Variants in CMC2 observed in about 807,000 individuals in gnomAD.
CMC2 encodes the protein COX assembly mitochondrial protein 2 homolog.
A neutral mutation model predicts 7.5 loss-of-function variants in CMC2; 5 were observed. The observed-to-expected ratio is 0.66, with a 90% CI of 0.35 to 1.40. The LOEUF is 1.40. CMC2 is among the 40% of genes most tolerant of loss of function. The pLI, the probability that CMC2 is intolerant of heterozygous loss-of-function variation, is 0.04. For synonymous variants in CMC2, 37 were observed against 31.4 expected, an observed-to-expected ratio of 1.18 and a Z score of -0.60; for missense variants, 115 against 92.3, an observed-to-expected ratio of 1.25 and a Z score of -1.01.
intron 2 of CMC2, among the ~76,000 whole-genome samples, chr16:80,984,417 T>G (rs1051090500): frequency 6.6e-6 from 1 of 152,228 alleles, no homozygotes; most frequent in Admixed American, 6.5e-5. Context: ...TTTCTTTTTT[T>G]CCTGCTTCAC....
chr16:80,970,587 TA>T lies in CMC2; in HGVS notation c.*5505del, dbSNP rs1418148162. 1 of 152,122 alleles carries T rather than the reference TA, an allele frequency of 6.6e-6. No homozygotes were observed. The highest frequency in any genetic ancestry group is 1.5e-5 in the Non-Finnish European group (1 of 67,992). 9.4% of individuals were successfully genotyped at this position (152,122 alleles called of 1,614,324 possible). ...ATTATACTGAATGTTCTAAGTACAA[TA>T]AAATAAGGAAGTATAAACATTGGAA... is the stretch of plus-strand genomic sequence containing the variant. On this transcript the variant is annotated 3_prime_UTR_variant, in exon 4 of 4. Coordinates refer to ENST00000219400, the MANE Select transcript of CMC2 (RefSeq NM_020188.5).
intron 1 of CMC2, among the ~76,000 whole-genome samples, chr16:81,004,108 G>A (rs1041136395): frequency 6.6e-6 from 1 of 152,134 alleles, no homozygotes; most frequent in Non-Finnish European, 1.5e-5. Flanking sequence ...CTGTAATCCA[G>A]CTACTTGGGA....
chr16:80,979,126 T>C (rs1311251185), intron 3 of CMC2, among the ~76,000 whole-genome samples: 2 of 151,382 alleles, frequency 1.3e-5, no homozygotes, highest in Non-Finnish European at 2.9e-5. Context: ...AGTAATCAGA[T>C]GACATATGAA....
intron 3 of CMC2, chr16:80,978,129 A>C: frequency 3.4e-6 from 1 of 296,054 alleles, no homozygotes; most frequent in Non-Finnish European, 5.1e-6. Flanking sequence ...AAAGTCATTC[A>C]TTTTATCTAT....
intron 1 of CMC2, among the ~76,000 whole-genome samples, chr16:81,002,155 T>C (rs1012051086): frequency 3.3e-5 from 5 of 152,202 alleles, no homozygotes; most frequent in African/African-American, 1.2e-4. Context: ...CCAGATGCGG[T>C]GGCTCACACC....
rs57915291 is a variant in CMC2, at chr16:80,985,901, CAAAAAAA to C, written c.82-4031_82-4025del. Among the ~76,000 whole-genome samples the C allele has an allele frequency of 5.7e-5, 6 of 104,992 alleles. No homozygotes were observed. The East Asian group carries it at 1.9e-3, about 33-fold the overall frequency. 68.9% of individuals were successfully genotyped at this position (104,992 alleles called of 152,430 possible). A position where few individuals can be genotyped will look rare whatever the true frequency, so the allele number is the denominator to read the frequency against. On this transcript the variant is annotated intron_variant, in intron 2 of 3. Transcript: ENST00000219400. ...GAAATATCATTCTCCCATATACCTG[CAAAAAAA>C]AAAAAAAAAACCACAGGAATGAAGG... is the stretch of plus-strand genomic sequence containing the variant.
intron 1 of CMC2, among the ~76,000 whole-genome samples, chr16:81,002,733 A>G (rs897996188): frequency 3.3e-5 from 5 of 152,216 alleles, no homozygotes; most frequent in African/African-American, 4.8e-5. Flanking sequence ...GCTATTGTCA[A>G]TCAGGGTAGG....
intron 2 of CMC2, among the ~76,000 whole-genome samples, chr16:80,990,516 C>T (rs1967899319): frequency 6.6e-6 from 1 of 152,118 alleles, no homozygotes; most frequent in South Asian, 2.1e-4. Context: ...CTGCTTTGCT[C>T]CTACCAACCT....
rs1407325169 is a variant in CMC2 at position 80,971,290 on chromosome 16, G to A, written c.*4803C>T. On this transcript the variant is annotated 3_prime_UTR_variant, in exon 4 of 4. Coordinates refer to ENST00000219400, the MANE Select transcript of CMC2 (RefSeq NM_020188.5). ...ACACTCTCCCAGATTGGACAAGAAG[G>A]TAAGTAAGAACGTTCATTGAAGTTT... The A allele has an allele frequency of 6.6e-6, 1 of 151,964 alleles. No homozygotes were observed. The highest frequency in any genetic ancestry group is 1.5e-5 in the Non-Finnish European group (1 of 68,020). The allele number at this position is 151,964 out of a possible 1,614,324, so 9.4% of individuals were successfully genotyped here.
chr16:81,000,720 G>C (rs892746009), intron 1 of CMC2, among the ~76,000 whole-genome samples: 3 of 152,170 alleles, frequency 2.0e-5, no homozygotes, highest in African/African-American at 4.8e-5. Flanking sequence ...GAGGTTGTGA[G>C]AAAAGAGAAT....
In CMC2 at chr16:80,970,031, T is replaced by A. The variant is rs938391434; in HGVS notation, c.*6062A>T. ...CGGTGAGCATTAAGTATGTCTTTAT[T>A]GTTTATATAATGAAGATTAAAAGGA... On this transcript the variant is annotated 3_prime_UTR_variant, in exon 4 of 4. Transcript: ENST00000219400. 13 of 152,190 alleles carry A rather than the reference T, an allele frequency of 8.5e-5. No individual in the cohort carries two copies. The highest frequency in any genetic ancestry group is 3.1e-4 in the African/African-American group (13 of 41,428). The allele number at this position is 152,190 out of a possible 1,614,324, so 9.4% of individuals were successfully genotyped here. A position where few individuals can be genotyped will look rare whatever the true frequency, so the allele number is the denominator to read the frequency against.
chr16:80,992,057 T>C lies in CMC2; in HGVS notation c.81+5257A>G, dbSNP rs1372843721. On this transcript the variant is annotated intron_variant, in intron 2 of 3. Transcript: ENST00000219400. The stretch of plus-strand genomic sequence containing the variant: ...CATGTATCAATATTGGTTTATTAAC[T>C]GTAACAAACACCTTATCAATGTAAG... 3 of 403,600 alleles carry C rather than the reference T, an allele frequency of 7.4e-6. No homozygotes were observed. In the East Asian group the frequency reaches 2.2e-4, roughly 30 times the overall value. 25.0% of individuals were successfully genotyped at this position (403,600 alleles called of 1,614,324 possible).
intron 3 of CMC2, chr16:80,978,343 G>C: frequency 7.9e-7 from 1 of 1,265,962 alleles, no homozygotes; most frequent in South Asian, 1.3e-5. Flanking sequence ...AATAAAATAA[G>C]TTACAAAGCA....
intron 3 of CMC2, chr16:80,978,211 A>C (rs907330860): frequency 1.0e-6 from 1 of 977,358 alleles, no homozygotes; most frequent in African/African-American, 1.8e-5. Context: ...AAGGAAGGAT[A>C]CCTGCTCTGA....
intron 3 of CMC2, 143 bp downstream of exon 3, chr16:80,981,663 A>G (rs1308498314): frequency 5.4e-6 from 3 of 552,946 alleles, no homozygotes; most frequent in Non-Finnish European, 9.4e-6. Context: ...TTCTTCCCCT[A>G]AACAGAGGAA....
chr16:80,993,847 T>A (rs1019601928), intron 2 of CMC2, among the ~76,000 whole-genome samples: 3 of 152,168 alleles, frequency 2.0e-5, no homozygotes, highest in African/African-American at 7.2e-5. Flanking sequence ...AATGACAAGC[T>A]GATTCTAAAA....
intron 2 of CMC2, among the ~76,000 whole-genome samples, chr16:80,991,089 C>G (rs183445575): frequency 6.6e-6 from 1 of 150,446 alleles, no homozygotes; most frequent in Non-Finnish European, 1.5e-5. Context: ...AAAGCTGGAA[C>G]AATTTGAGCA....
intron 2 of CMC2, among the ~76,000 whole-genome samples, chr16:80,994,872 G>A (rs999165720): frequency 6.6e-6 from 1 of 152,208 alleles, no homozygotes; most frequent in African/African-American, 2.4e-5. Flanking sequence ...ATGGCTGGGT[G>A]CGGTGGCTCA....
Position 80,967,819 on chromosome 16 carries a change from T to C in CMC2, c.*8274A>G, listed in dbSNP as rs1911659388. ...TTCTTAGCCCTCTACTCGCCAGAGT[T>C]GAGGAAAAAGTAAATGCCCTGAGAA... On this transcript the variant is annotated 3_prime_UTR_variant, in exon 4 of 4. Transcript: ENST00000219400. The C allele has an allele frequency of 6.6e-6, 1 of 152,208 alleles. No homozygotes were observed. The highest frequency in any genetic ancestry group is 2.4e-5 in the African/African-American group (1 of 41,460). The allele number at this position is 152,208 out of a possible 1,614,324, so 9.4% of individuals were successfully genotyped here. A position where few individuals can be genotyped will look rare whatever the true frequency, so the allele number is the denominator to read the frequency against.
Sources: allele counts gnomAD v4.1 joint callset (sites outside exome capture counted in the v4.1 genomes callset), GRCh38; gene constraint gnomAD v4.1.1; transcripts MANE v1.5; gene names NCBI Gene and HGNC (gene_info 2026-07-23, HGNC 2026-07-21).